TRABD2B: variants seen among roughly 807,000 people sequenced by gnomAD.
The protein encoded by TRABD2B is metalloprotease TIKI2.
In TRABD2B, 14 loss-of-function variants were observed where a neutral mutation model predicts 40.1. That is an observed-to-expected ratio of 0.35 (90% CI 0.23 to 0.55). The LOEUF (loss-of-function observed/expected upper bound fraction) is 0.55. Among genes scored for constraint, TRABD2B ranks in the 20% least tolerant of loss-of-function variants. The pLI is 0.90. For missense variants in TRABD2B, 541 were observed against 648.6 expected (o/e 0.83, Z 1.80); for synonymous variants, 263 against 277.0 (o/e 0.95, Z 0.50).
chr1:47,954,776 T>C (rs903717661), intron 2 of TRABD2B, among the ~76,000 whole-genome samples: 2 of 152,110 alleles, frequency 1.3e-5, no homozygotes, highest in African/African-American at 4.8e-5. Context: ...TCTTTTTGCT[T>C]CCTGCATCTC....
chr1:47,778,315 C>T, intron 5 of TRABD2B, 139 bp downstream of exon 5: 1 of 671,638 alleles, frequency 1.5e-6, no homozygotes, highest in Non-Finnish European at 2.6e-6. Flanking sequence ...AATCTCCTGC[C>T]TCCAGCCCAG....
Position 47,997,242 on chromosome 1 carries a change from T to C in TRABD2B, c.-453A>G. 1.0e-6 allele frequency: 1 copy of C among 979,404 alleles called. No individual in the cohort carries two copies. The highest frequency in any genetic ancestry group is 1.2e-6 in the Non-Finnish European group (1 of 827,942). The allele number at this position is 979,404 out of a possible 1,614,324, so 60.7% of individuals were successfully genotyped here. A position where few individuals can be genotyped will look rare whatever the true frequency, so the allele number is the denominator to read the frequency against. The stretch of plus-strand genomic sequence containing the variant: ...TCCAGGAGGCGCGCAGTGGGACAAG[T>C]GCGGCGGAAGGCGCGGCAGGGGTGG... On this transcript the variant is annotated 5_prime_UTR_variant, in exon 1 of 7. Transcript: ENST00000606738.
intron 5 of TRABD2B, 90 bp from the exon 6 acceptor site, chr1:47,775,529 T>C: frequency 8.3e-7 from 1 of 1,204,406 alleles, no homozygotes. Flanking sequence ...TGGGAGTTTG[T>C]CATGGCAGGA....
intron 2 of TRABD2B, among the ~76,000 whole-genome samples, chr1:47,979,873 G>C (rs567897960): frequency 6.6e-6 from 1 of 152,262 alleles, no homozygotes; most frequent in African/African-American, 2.4e-5. Context: ...TGTCCCAGAA[G>C]CTGGGAACCC....
intron 2 of TRABD2B, among the ~76,000 whole-genome samples, chr1:47,949,655 G>A (rs900022012): frequency 5.9e-5 from 9 of 151,536 alleles, no homozygotes; most frequent in African/African-American, 9.7e-5. Context: ...TGATCCACCC[G>A]CCTCATCCTC....
At chr1:47,949,821 C>A (rs962291803) in intron 2 of TRABD2B, among the ~76,000 whole-genome samples, 3 of 152,142 alleles carry the variant, frequency 2.0e-5, no homozygotes, top group Non-Finnish European at 4.4e-5. Context: ...AATCAAGACA[C>A]AACATTTCAG....
At chr1:47,926,308 T>C (rs1644968289) in intron 2 of TRABD2B, among the ~76,000 whole-genome samples, 1 of 152,154 alleles carries the variant, frequency 6.6e-6, no homozygotes, top group Non-Finnish European at 1.5e-5. Flanking sequence ...TAAAATCTCA[T>C]ACATACAGCA....
chr1:47,851,888 T>C (rs1167120610), intron 2 of TRABD2B, among the ~76,000 whole-genome samples: 1 of 152,236 alleles, frequency 6.6e-6, no homozygotes, highest in Non-Finnish European at 1.5e-5. Context: ...ATAACTCAGC[T>C]AATATGTGCC....
intron 2 of TRABD2B, among the ~76,000 whole-genome samples, chr1:47,802,190 G>A (rs765904686): frequency 1.6e-4 from 24 of 152,306 alleles, no homozygotes; most frequent in Admixed American, 2.6e-4. Flanking sequence ...CGGGGCCACC[G>A]TGCCTGTGCC....
At chr1:47,817,807 G>A (rs1279949549) in intron 2 of TRABD2B, among the ~76,000 whole-genome samples, 2 of 152,140 alleles carry the variant, frequency 1.3e-5, no homozygotes, top group Non-Finnish European at 2.9e-5. Context: ...CACCCAGACC[G>A]AAGCTGTCCA....
At chr1:47,877,848 C>T (rs1261699557) in intron 2 of TRABD2B, among the ~76,000 whole-genome samples, 2 of 151,764 alleles carry the variant, frequency 1.3e-5, no homozygotes, top group African/African-American at 2.4e-5. Context: ...AAAAATTAGC[C>T]GGGTGTGGTG....
At chr1:47,970,248 A>C (rs1435421828) in intron 2 of TRABD2B, among the ~76,000 whole-genome samples, 1 of 151,474 alleles carries the variant, frequency 6.6e-6, no homozygotes, top group Non-Finnish European at 1.5e-5. Context: ...CAGGCTCTGG[A>C]GTTCAGTGGG....
intron 2 of TRABD2B, among the ~76,000 whole-genome samples, chr1:47,970,671 G>C (rs1291201744): frequency 1.3e-5 from 2 of 152,126 alleles, no homozygotes; most frequent in African/African-American, 4.8e-5. Flanking sequence ...GCCGGGGGTT[G>C]GTTGATCTGA....
intron 2 of TRABD2B, among the ~76,000 whole-genome samples, chr1:47,909,777 C>CTCCCT (rs1485678402): frequency 6.6e-5 from 1 of 15,240 alleles, no homozygotes; most frequent in Non-Finnish European, 1.3e-4. Context: ...TTCCCCTCCC[C>CTCCCT]TCCCCTCCCC....
chr1:47,906,782 C>T (rs574217850), intron 2 of TRABD2B, among the ~76,000 whole-genome samples: 2 of 152,360 alleles, frequency 1.3e-5, no homozygotes, highest in South Asian at 2.1e-4. Context: ...GTCTAGGAAC[C>T]TTAAAAGCAA....
intron 2 of TRABD2B, among the ~76,000 whole-genome samples, chr1:47,837,262 T>G (rs1233587321): frequency 6.6e-6 from 1 of 152,182 alleles, no homozygotes; most frequent in Non-Finnish European, 1.5e-5. Flanking sequence ...TGAGGAAATG[T>G]CATAACCTCA....
intron 2 of TRABD2B, among the ~76,000 whole-genome samples, chr1:47,807,994 C>A (rs188299816): frequency 6.6e-5 from 10 of 152,186 alleles, no homozygotes; most frequent in Non-Finnish European, 1.0e-4. Context: ...GGTTAGGCCA[C>A]GCTATCCAGA....
intron 2 of TRABD2B, among the ~76,000 whole-genome samples, chr1:47,810,106 T>C (rs986954981): frequency 4.6e-5 from 7 of 151,806 alleles, no homozygotes; most frequent in African/African-American, 1.7e-4. Context: ...TGATAGTTGC[T>C]ATGGAGAAAA....
intron 2 of TRABD2B, among the ~76,000 whole-genome samples, chr1:47,864,573 C>T (rs1006920341): frequency 1.3e-5 from 2 of 152,156 alleles, no homozygotes; most frequent in African/African-American, 4.8e-5. Context: ...ATATCTGTGG[C>T]CTTTTCCAGA....
Sources: allele counts gnomAD v4.1 joint callset (sites outside exome capture counted in the v4.1 genomes callset), GRCh38; gene constraint gnomAD v4.1.1; transcripts MANE v1.5; gene names NCBI Gene and HGNC (gene_info 2026-07-23, HGNC 2026-07-21).